The following CLSTN1 variants were observed in gnomAD, a reference collection of about 807,000 sequenced individuals.
The protein encoded by CLSTN1 is calsyntenin 1.
Under a neutral mutation model 108.3 loss-of-function variants are expected in CLSTN1, and 28 were observed. The observed-to-expected ratio is 0.26, with a 90% CI of 0.19 to 0.35. The LOEUF (loss-of-function observed/expected upper bound fraction) is 0.35. Among genes scored for constraint, CLSTN1 ranks in the 10% least tolerant of loss-of-function variants. The pLI is 1.00. For missense variants in CLSTN1, 1,157 were observed against 1,302.6 expected (o/e 0.89, Z 1.72); for synonymous variants, 524 against 534.9 (o/e 0.98, Z 0.28).
chr1:9,755,381 A>AT (rs1651762483), intron 3 of CLSTN1, 72 bp from the exon 4 acceptor site: 3 of 1,234,002 alleles, frequency 2.4e-6, no homozygotes, highest in Non-Finnish European at 3.4e-6. Flanking sequence ...TCCTCCCCCC[A>AT]TCTCCACCCC....
chr1:9,804,865 C>T (rs1282735986), intron 1 of CLSTN1, among the ~76,000 whole-genome samples: 4 of 152,018 alleles, frequency 2.6e-5, no homozygotes, highest in Non-Finnish European at 5.9e-5. Context: ...TGGCTTATGC[C>T]TGTAATCCCA....
chr1:9,734,114 G>C lies in CLSTN1; in HGVS notation c.2139C>G (p.Ile713Met), dbSNP rs139721760. 7 of 1,613,970 alleles carry C rather than the reference G, an allele frequency of 4.3e-6. No homozygotes were observed. The highest frequency in any genetic ancestry group is 4.2e-6 in the Non-Finnish European group (5 of 1,180,002). Residue 713 changes from isoleucine to methionine, a missense_variant, in exon 15 of 19, where the codon ATC (isoleucine) becomes ATG (methionine). By Grantham distance (10) the Ile-to-Met change is conservative. Transcript: ENST00000377298. The surrounding 1 kb of genome is among the most constrained non-coding windows in gnomAD (Gnocchi z 4.8). ...TVQESLVSEE[I>M]VHDLDTCEVT... Reference sequence around the variant, plus strand: ...CCTCACAGGTATCCAGGTCGTGCACGATCTCCTCGGACACCAGTGATTCTT... The same window carrying C: ...CCTCACAGGTATCCAGGTCGTGCACCATCTCCTCGGACACCAGTGATTCTT...
intron 2 of CLSTN1, among the ~76,000 whole-genome samples, chr1:9,766,075 A>G (rs745785463): frequency 2.7e-5 from 4 of 150,922 alleles, no homozygotes; most frequent in Non-Finnish European, 4.4e-5. Flanking sequence ...GGTGGGCTCT[A>G]ACTGACTATC....
At chr1:9,804,417 AC>A (rs1295142339) in intron 1 of CLSTN1, among the ~76,000 whole-genome samples, 1 of 151,152 alleles carries the variant, frequency 6.6e-6, no homozygotes, top group African/African-American at 2.4e-5. Flanking sequence ...GCAGATCCTG[AC>A]TGCACATGGG....
At position 9,730,738 on chromosome 1, in the gene CLSTN1, G is replaced by A. The variant is rs142994772; in HGVS notation, c.2749-33C>T. The A allele has an allele frequency of 5.8e-4, 899 of 1,554,424 alleles. 2 individuals carry two copies. Among genetic ancestry groups the A allele is most frequent in the Non-Finnish European group, 5.1e-4 (583 of 1,150,450 alleles). On this transcript the variant is annotated intron_variant, in intron 18 of 18. Transcript: ENST00000377298. The surrounding 1 kb of genome is among the most constrained non-coding windows in gnomAD (Gnocchi z 5.6). ...GGAGAAGTGACGGCCACATGAGTCCGGCCCTGCCCACAGCCCCGTCACCTG... is the reference window on the plus strand; with the variant it reads ...GGAGAAGTGACGGCCACATGAGTCCAGCCCTGCCCACAGCCCCGTCACCTG...
rs781337343 is a variant in CLSTN1, at chr1:9,733,495, C to T, written c.2333G>A (p.Arg778Gln). Residue 778 changes from arginine to glutamine, a missense_variant, in exon 16 of 19, where the codon CGG (arginine) becomes CAG (glutamine). By Grantham distance (43) the Arg-to-Gln change is conservative (BLOSUM62 1). Coordinates refer to ENST00000377298, the MANE Select transcript of CLSTN1 (RefSeq NM_001009566.3). Reference sequence around the variant, plus strand: ...AAGCAAGGACCTGGCATGCCAGTTCCGATAGCGCAGCAGGTGCAAAACCTC... The same window carrying T: ...AAGCAAGGACCTGGCATGCCAGTTCTGATAGCGCAGCAGGTGCAAAACCTC... ...YEEVLHLLRY[R>Q]NWHARSLLDR... is the part of the protein sequence containing the mutation. The T allele has an allele frequency of 6.8e-5, 109 of 1,614,048 alleles. No homozygotes were observed. The highest frequency in any genetic ancestry group is 8.9e-5 in the Non-Finnish European group (105 of 1,180,046).
intron 1 of CLSTN1, among the ~76,000 whole-genome samples, chr1:9,820,704 T>C (rs1028697248): frequency 6.6e-6 from 1 of 152,292 alleles, no homozygotes; most frequent in Admixed American, 6.5e-5. Context: ...GCCTCTGGTG[T>C]GCTGGTGACG....
chr1:9,731,690 G>A, intron 17 of CLSTN1, 71 bp downstream of exon 17: 1 of 1,477,054 alleles, frequency 6.8e-7, no homozygotes, highest in Non-Finnish European at 9.5e-7. Context: ...AGGAGGCTGT[G>A]CCCACGGTGG....
intron 1 of CLSTN1, among the ~76,000 whole-genome samples, chr1:9,796,253 C>T (rs1255896343): frequency 7.8e-6 from 1 of 128,816 alleles, no homozygotes; most frequent in African/African-American, 2.9e-5. Flanking sequence ...CAGGGCAAGA[C>T]TGTCTCCAAA....
intron 1 of CLSTN1, among the ~76,000 whole-genome samples, chr1:9,811,781 G>C (rs1654766518): frequency 1.4e-5 from 2 of 147,276 alleles, no homozygotes; most frequent in Admixed American, 6.8e-5. Flanking sequence ...TTAATGATTT[G>C]TTATCCTTTT....
intron 10 of CLSTN1, among the ~76,000 whole-genome samples, chr1:9,739,808 T>A (rs1650879028): frequency 1.3e-5 from 2 of 149,708 alleles, no homozygotes; most frequent in East Asian, 3.9e-4. Context: ...TGGAGTGCAA[T>A]AGGGCATTTT....
intron 2 of CLSTN1, among the ~76,000 whole-genome samples, chr1:9,763,930 G>GGAA (rs1298581986): frequency 6.6e-6 from 1 of 152,132 alleles, no homozygotes; most frequent in Non-Finnish European, 1.5e-5. Context: ...TTGCTACAAA[G>GGAA]GAAGACCTGA....
rs1347903931 is a variant in CLSTN1 at position 9,741,360 on chromosome 1, A to G, written c.1357-104T>C. ...CAACACAAGGGTCTTCCTAGGAGGA[A>G]AAGGATGAAAAAAATCTAACCACAA... is the stretch of plus-strand genomic sequence containing the variant. On this transcript the variant is annotated intron_variant, in intron 9 of 18. Coordinates refer to ENST00000377298, the MANE Select transcript of CLSTN1 (RefSeq NM_001009566.3). The G allele has an allele frequency of 5.3e-6, 6 of 1,134,102 alleles. No homozygotes were observed. The African/African-American group carries it at 6.2e-5, about 12-fold the overall frequency. The allele number at this position is 1,134,102 out of a possible 1,614,324, so 70.3% of individuals were successfully genotyped here. A position where few individuals can be genotyped will look rare whatever the true frequency, so the allele number is the denominator to read the frequency against.
At chr1:9,777,730 T>C (rs922629058) in intron 1 of CLSTN1, among the ~76,000 whole-genome samples, 3 of 152,194 alleles carry the variant, frequency 2.0e-5, no homozygotes, top group African/African-American at 7.2e-5. Context: ...TTCTCGTCTC[T>C]ACCCCCGCTC....
At chr1:9,819,311 CT>C (rs559869408) in intron 1 of CLSTN1, among the ~76,000 whole-genome samples, 9 of 152,176 alleles carry the variant, frequency 5.9e-5, no homozygotes, top group Admixed American at 5.2e-4. Context: ...TAACTCAGTA[CT>C]TTTTTTCCTT....
At chr1:9,822,884 T>C (rs1381150482) in intron 1 of CLSTN1, among the ~76,000 whole-genome samples, 1 of 152,106 alleles carries the variant, frequency 6.6e-6, no homozygotes, top group Non-Finnish European at 1.5e-5. Flanking sequence ...ACGGTCTAAA[T>C]GACCGTCAGA....
At chr1:9,783,798 G>C (rs558643123) in intron 1 of CLSTN1, among the ~76,000 whole-genome samples, 1 of 152,282 alleles carries the variant, frequency 6.6e-6, no homozygotes, top group South Asian at 2.1e-4. Flanking sequence ...TTCGAGACCA[G>C]CCTGGCAAAC....
chr1:9,794,988 A>C (rs182568521), intron 1 of CLSTN1, among the ~76,000 whole-genome samples: 4 of 150,892 alleles, frequency 2.7e-5, no homozygotes, highest in African/African-American at 9.7e-5. Flanking sequence ...CCAACTGACT[A>C]GGATTGTCTA....
chr1:9,800,556 A>AG (rs1417565789), intron 1 of CLSTN1, among the ~76,000 whole-genome samples: 3 of 107,648 alleles, frequency 2.8e-5, no homozygotes, highest in Admixed American at 1.1e-4. Context: ...CGTCTCCACT[A>AG]GAAAAAAAAA....
Sources: allele counts gnomAD v4.1 joint callset (sites outside exome capture counted in the v4.1 genomes callset), GRCh38; gene constraint gnomAD v4.1.1; non-coding constraint Gnocchi (gnomAD v3.1); transcripts MANE v1.5; gene names NCBI Gene and HGNC (gene_info 2026-07-23, HGNC 2026-07-21).